PLD5: variants seen among roughly 807,000 people sequenced by gnomAD.
PLD5 encodes inactive phospholipase D5.
A neutral mutation model predicts 61.1 loss-of-function variants in PLD5; 36 were observed. The observed-to-expected ratio is 0.59, with a 90% CI of 0.45 to 0.78. The LOEUF is 0.78. Among genes scored for constraint, PLD5 ranks in the 30% least tolerant of loss-of-function variants. The pLI is 0.00. For synonymous variants in PLD5, 243 were observed against 242.8 expected, an observed-to-expected ratio of 1.00 and a Z score of -0.01; for missense variants, 515 against 644.4, an observed-to-expected ratio of 0.80 and a Z score of 2.17.
At chr1:242,496,827 A>T (rs1053662770) in intron 1 of PLD5, among the ~76,000 whole-genome samples, 1 of 152,248 alleles carries the variant, frequency 6.6e-6, no homozygotes, top group Non-Finnish European at 1.5e-5. Context: ...GCAGGATTAT[A>T]TGTGTCAGCC....
chr1:242,487,076 G>C (rs1667989799), intron 1 of PLD5, among the ~76,000 whole-genome samples: 1 of 151,284 alleles, frequency 6.6e-6, no homozygotes, highest in Non-Finnish European at 1.5e-5. Context: ...TGGCAGCAGG[G>C]GGGAGGGATA....
At chr1:242,126,984 T>A (rs1206551362) in intron 5 of PLD5, among the ~76,000 whole-genome samples, 1 of 138,260 alleles carries the variant, frequency 7.2e-6, no homozygotes, top group Non-Finnish European at 1.5e-5. Flanking sequence ...CATAAAAAAG[T>A]AGGCTAAGGA....
At chr1:242,174,867 G>C (rs973907518) in intron 5 of PLD5, among the ~76,000 whole-genome samples, 6 of 152,236 alleles carry the variant, frequency 3.9e-5, no homozygotes, top group African/African-American at 1.4e-4. Context: ...CCTGGACATA[G>C]GAAGGGGAAC....
intron 9 of PLD5, 73 bp downstream of exon 9, chr1:242,100,595 A>G: frequency 9.2e-7 from 1 of 1,086,458 alleles, no homozygotes; most frequent in Non-Finnish European, 1.4e-6. Flanking sequence ...ACCAGGGGAT[A>G]CCGTGGAGCA....
intron 5 of PLD5, among the ~76,000 whole-genome samples, chr1:242,147,885 C>A (rs1664646968): frequency 6.6e-6 from 1 of 152,078 alleles, no homozygotes; most frequent in African/African-American, 2.4e-5. Flanking sequence ...TTGAGAGTTT[C>A]ATTGAGTTGG....
At chr1:242,182,808 A>C (rs1558314996) in intron 5 of PLD5, among the ~76,000 whole-genome samples, 1 of 152,158 alleles carries the variant, frequency 6.6e-6, no homozygotes, top group Non-Finnish European at 1.5e-5. Context: ...GCGCCACTGC[A>C]CTCCAGCCTG....
At chr1:242,285,792 T>G (rs1674986835) in intron 3 of PLD5, among the ~76,000 whole-genome samples, 1 of 152,014 alleles carries the variant, frequency 6.6e-6, no homozygotes, top group Admixed American at 6.6e-5. Flanking sequence ...CAGTTTACAA[T>G]AATCTATTCT....
chr1:242,383,087 A>G (rs1346239444), intron 1 of PLD5, among the ~76,000 whole-genome samples: 2 of 152,116 alleles, frequency 1.3e-5, no homozygotes, highest in African/African-American at 2.4e-5. Flanking sequence ...CCTTTCTCTC[A>G]TGCTTAGCAG....
chr1:242,517,778 G>T (rs1669150446), intron 1 of PLD5, among the ~76,000 whole-genome samples: 1 of 152,156 alleles, frequency 6.6e-6, no homozygotes, highest in Non-Finnish European at 1.5e-5. Flanking sequence ...TAATAACACA[G>T]TATATGTCAA....
chr1:242,442,985 G>A (rs1410071253), intron 1 of PLD5, among the ~76,000 whole-genome samples: 5 of 152,160 alleles, frequency 3.3e-5, no homozygotes, highest in African/African-American at 1.2e-4. Context: ...GGAAGTCCTA[G>A]GTGTAGCAAC....
In PLD5 at chr1:242,256,804, C is replaced by G. The variant is rs543999764; in HGVS notation, c.607+8533G>C. On this transcript the variant is annotated intron_variant, in intron 4 of 9. Transcript: ENST00000536534. This position sits in a 1 kb window ranked among gnomAD's most constrained non-coding sequence, Gnocchi z 5.7. The stretch of plus-strand genomic sequence containing the variant: ...TATCTATCTATCTATCTATTAATAT[C>G]TATCTTTCTATGTATCTGTCATCTA... Among the ~76,000 whole-genome samples, 1 of 150,412 alleles carries G rather than the reference C, an allele frequency of 6.6e-6. No individual in the cohort carries two copies. The highest frequency in any genetic ancestry group is 2.0e-4 in the East Asian group (1 of 5,094).
intron 5 of PLD5, among the ~76,000 whole-genome samples, chr1:242,173,988 G>T (rs538385000): frequency 1.1e-4 from 17 of 152,146 alleles, no homozygotes; most frequent in Non-Finnish European, 2.4e-4. Context: ...ATAGGCATGG[G>T]CAAGAACTTC....
intron 2 of PLD5, among the ~76,000 whole-genome samples, chr1:242,304,025 ATGG>A (rs1648356765): frequency 6.6e-6 from 1 of 152,176 alleles, no homozygotes; most frequent in Non-Finnish European, 1.5e-5. Flanking sequence ...AAGCTGACTG[ATGG>A]CTACTTTCAA....
At chr1:242,198,864 A>G (rs1668814663) in intron 5 of PLD5, among the ~76,000 whole-genome samples, 1 of 152,036 alleles carries the variant, frequency 6.6e-6, no homozygotes, top group Non-Finnish European at 1.5e-5. Flanking sequence ...CCTCCTGAGT[A>G]GCTGGGATTA....
intron 3 of PLD5, among the ~76,000 whole-genome samples, chr1:242,266,807 C>T (rs1256678045): frequency 6.6e-6 from 1 of 152,198 alleles, no homozygotes; most frequent in Non-Finnish European, 1.5e-5. Context: ...GTGATTCCTG[C>T]AATTCAGCCT....
intron 1 of PLD5, among the ~76,000 whole-genome samples, chr1:242,443,210 A>G (rs1323038305): frequency 6.6e-6 from 1 of 152,154 alleles, no homozygotes; most frequent in African/African-American, 2.4e-5. Flanking sequence ...ACACTTTTAT[A>G]TATTAAATAT....
At chr1:242,527,222 C>G (rs1669470309), upstream of PLD5, among the ~76,000 whole-genome samples, 3 of 146,016 alleles carry the variant, frequency 2.1e-5, no homozygotes, top group South Asian at 6.5e-4. Context: ...TCCCCACCTC[C>G]CAGGTTCAAG....
At chr1:242,220,920 AG>A (rs1264247971) in intron 4 of PLD5, among the ~76,000 whole-genome samples, 1 of 151,964 alleles carries the variant, frequency 6.6e-6, no homozygotes, top group Non-Finnish European at 1.5e-5. Context: ...TACTTTTAGT[AG>A]AGAGGGGTTT....
intron 2 of PLD5, among the ~76,000 whole-genome samples, chr1:242,337,373 G>C (rs1574757484): frequency 1.3e-5 from 2 of 152,262 alleles, no homozygotes; most frequent in East Asian, 3.9e-4. Context: ...GCTCACACCT[G>C]TAATCCCAGC....
Sources: allele counts gnomAD v4.1 joint callset (sites outside exome capture counted in the v4.1 genomes callset), GRCh38; gene constraint gnomAD v4.1.1; non-coding constraint Gnocchi (gnomAD v3.1); transcripts MANE v1.5; gene names NCBI Gene and HGNC (gene_info 2026-07-23, HGNC 2026-07-21).